CCDC171: variants seen among roughly 807,000 people sequenced by gnomAD.
CCDC171 encodes the protein coiled-coil domain-containing protein 171.
A neutral mutation model predicts 168.2 loss-of-function variants in CCDC171; 177 were observed. That is an observed-to-expected ratio of 1.05 (90% CI 0.93 to 1.19). The LOEUF is 1.19. Among genes scored for constraint, CCDC171 ranks in the 50% most tolerant of loss-of-function variants. The probability of loss-of-function intolerance (pLI) is 0.00; values close to 1 mark genes in which losing one functional copy is unlikely to be tolerated. For synonymous variants in CCDC171, 687 were observed against 540.8 expected, an observed-to-expected ratio of 1.27 and a Z score of -3.75; for missense variants, 1,991 against 1,539.0, an observed-to-expected ratio of 1.29 and a Z score of -4.91.
intron 25 of CCDC171, among the ~76,000 whole-genome samples, chr9:15,944,245 C>A (rs1828039858): frequency 6.6e-6 from 1 of 151,720 alleles, no homozygotes; most frequent in Non-Finnish European, 1.5e-5. Context: ...ACCACTGTGG[C>A]TATTGCTTTT....
At chr9:15,684,940 G>C (rs570004885) in intron 10 of CCDC171, among the ~76,000 whole-genome samples, 2 of 152,238 alleles carry the variant, frequency 1.3e-5, no homozygotes, top group East Asian at 1.9e-4. Flanking sequence ...GGGTCATGTT[G>C]GGTGATGAGT....
At chr9:15,757,773 C>A (rs185763565) in intron 18 of CCDC171, among the ~76,000 whole-genome samples, 51 of 152,278 alleles carry the variant, frequency 3.3e-4, no homozygotes, top group African/African-American at 1.2e-3. Flanking sequence ...CCCTGCGTCC[C>A]AGCTGCTCCA....
downstream of CCDC171, among the ~76,000 whole-genome samples, chr9:16,064,367 G>A (rs1040899031): frequency 1.3e-5 from 2 of 152,152 alleles, no homozygotes; most frequent in African/African-American, 4.8e-5. Flanking sequence ...GTGTGTCTGC[G>A]AGAGAGAAGG....
At chr9:15,923,611 C>A (rs915587754) in intron 25 of CCDC171, among the ~76,000 whole-genome samples, 1 of 151,056 alleles carries the variant, frequency 6.6e-6, no homozygotes, top group African/African-American at 2.4e-5. Context: ...TTAATAAAGA[C>A]GTATTCTTGA....
At chr9:16,089,998 G>A in the CCDC171 span, among the ~76,000 whole-genome samples, 1 of 152,146 alleles carries the variant, frequency 6.6e-6, no homozygotes, top group Non-Finnish European at 1.5e-5. Context: ...CAACCATTGT[G>A]GAAGACAGTG....
intron 21 of CCDC171, among the ~76,000 whole-genome samples, chr9:15,844,364 C>G (rs983785162): frequency 3.3e-5 from 5 of 151,356 alleles, no homozygotes; most frequent in African/African-American, 1.2e-4. Flanking sequence ...CTTTAAAGCT[C>G]AGTGTTAGGA....
At chr9:16,024,854 G>A (rs1833243824) in intron 6 of CCDC171, among the ~76,000 whole-genome samples, 1 of 152,200 alleles carries the variant, frequency 6.6e-6, no homozygotes, top group African/African-American at 2.4e-5. Context: ...ATAGTATCCT[G>A]GGAAGCCCAG....
chr9:15,956,436 C>G (rs1472416324), intron 25 of CCDC171, among the ~76,000 whole-genome samples: 1 of 152,092 alleles, frequency 6.6e-6, no homozygotes, highest in Non-Finnish European at 1.5e-5. Context: ...ACAAAGAGCC[C>G]TATCTTTAAG....
intron 23 of CCDC171, among the ~76,000 whole-genome samples, chr9:15,868,717 T>G (rs2061897203): frequency 2.0e-5 from 3 of 152,064 alleles, no homozygotes; most frequent in African/African-American, 7.2e-5. Flanking sequence ...TGTTAATTGT[T>G]CATATATAGA....
At chr9:15,793,401 A>G (rs1418355196) in intron 21 of CCDC171, among the ~76,000 whole-genome samples, 1 of 152,090 alleles carries the variant, frequency 6.6e-6, no homozygotes, top group Non-Finnish European at 1.5e-5. Flanking sequence ...CACTGTCAGC[A>G]TTAGATCAAT....
intron 24 of CCDC171, among the ~76,000 whole-genome samples, chr9:15,878,263 G>A (rs1388759648): frequency 6.6e-6 from 1 of 151,680 alleles, no homozygotes; most frequent in Non-Finnish European, 1.5e-5. Context: ...CACCTATAAG[G>A]AACTTAAATT....
At chr9:15,581,190 A>G (rs2041084787) in intron 4 of CCDC171, among the ~76,000 whole-genome samples, 1 of 152,178 alleles carries the variant, frequency 6.6e-6, no homozygotes, top group African/African-American at 2.4e-5. Context: ...AATTGCTACA[A>G]ACAGAATAAA....
chr9:16,074,703 C>T, the CCDC171 span, among the ~76,000 whole-genome samples: 1 of 152,236 alleles, frequency 6.6e-6, no homozygotes, highest in South Asian at 2.1e-4. Context: ...GAAGATATTC[C>T]AGGCAGAAGA....
the CCDC171 span, among the ~76,000 whole-genome samples, chr9:16,102,602 A>C: frequency 6.6e-6 from 1 of 152,190 alleles, no homozygotes; most frequent in Non-Finnish European, 1.5e-5. Context: ...AGATCATGTA[A>C]ATAAGCCCTC....
At chr9:15,937,986 G>A (rs1281191741) in intron 25 of CCDC171, among the ~76,000 whole-genome samples, 1 of 151,848 alleles carries the variant, frequency 6.6e-6, no homozygotes, top group Non-Finnish European at 1.5e-5. Flanking sequence ...AGAAAGATGA[G>A]CAACTGATTC....
intron 7 of CCDC171, among the ~76,000 whole-genome samples, chr9:15,652,114 C>A (rs893313921): frequency 6.6e-6 from 1 of 151,952 alleles, no homozygotes; most frequent in South Asian, 2.1e-4. Flanking sequence ...ACTATGTTGC[C>A]CAGACTATAA....
At chr9:15,913,706 T>C (rs1457087767) in intron 24 of CCDC171, among the ~76,000 whole-genome samples, 3 of 152,168 alleles carry the variant, frequency 2.0e-5, no homozygotes, top group African/African-American at 7.2e-5. Context: ...GTTGTGATCA[T>C]TTGGAGAAGA....
Position 15,790,433 on chromosome 9 carries a change from T to G in CCDC171, c.3267+5739T>G, listed in dbSNP as rs879815776. Among the ~76,000 whole-genome samples the G allele has an allele frequency of 3.2e-4, 48 of 152,378 alleles. 1 individual carries two copies. The highest frequency in any genetic ancestry group is 1.8e-3 in the Admixed American group (28 of 15,312). On this transcript the variant is annotated intron_variant, in intron 21 of 25. Coordinates refer to ENST00000380701, the MANE Select transcript of CCDC171 (RefSeq NM_173550.4). ...CTGTTCACACCCTTTGCCCACTTTT[T>G]GATGCGGTTGTTTGTTTTTTTCTTG...
chr9:15,686,022 A>G (rs1237256440), intron 10 of CCDC171, among the ~76,000 whole-genome samples: 1 of 152,080 alleles, frequency 6.6e-6, no homozygotes, highest in East Asian at 1.9e-4. Context: ...ATTTGACCCT[A>G]ATTTTGATCT....
Sources: allele counts gnomAD v4.1 joint callset (sites outside exome capture counted in the v4.1 genomes callset), GRCh38; gene constraint gnomAD v4.1.1; transcripts MANE v1.5; gene names NCBI Gene and HGNC (gene_info 2026-07-23, HGNC 2026-07-21).